The following CPN1 variants were observed in gnomAD, a reference collection of about 807,000 sequenced individuals.
CPN1 encodes the protein carboxypeptidase N catalytic chain.
Under a neutral mutation model 46.4 loss-of-function variants are expected in CPN1, and 37 were observed. That is an observed-to-expected ratio of 0.80 (90% confidence interval 0.61 to 1.05). The LOEUF (loss-of-function observed/expected upper bound fraction) is 1.05, where lower values mean the gene tolerates loss of function less well. Ranked by LOEUF, CPN1 falls within the 50% of genes least tolerant of loss-of-function variation. The probability of loss-of-function intolerance (pLI) is 0.00; values close to 1 mark genes in which losing one functional copy is unlikely to be tolerated. For synonymous variants in CPN1, 224 were observed against 235.4 expected (o/e 0.95, Z 0.44); for missense variants, 563 against 602.6 (o/e 0.93, Z 0.69).
At position 100,069,697 on chromosome 10, in the gene CPN1, C is replaced by T. The variant is rs2041473393; in HGVS notation, c.576+17G>A. The T allele has an allele frequency of 6.2e-7, 1 of 1,613,748 alleles. No homozygotes were observed. Among genetic ancestry groups the T allele is most frequent in the African/African-American group, 1.3e-5 (1 of 74,836 alleles). ...GATGCTGATTTACCTGCTTTGTTTG[C>T]AAATTTCATCTCCTACCTGACTTTT... is the stretch of plus-strand genomic sequence containing the variant. On this transcript the variant is annotated intron_variant, in intron 3 of 8. Coordinates refer to ENST00000370418, the MANE Select transcript of CPN1 (RefSeq NM_001308.3).
At chr10:100,072,491 T>A (rs1344193356) in intron 2 of CPN1, among the ~76,000 whole-genome samples, 1 of 152,174 alleles carries the variant, frequency 6.6e-6, no homozygotes, top group Non-Finnish European at 1.5e-5. Context: ...TGAGAAACTG[T>A]TAAACTGTTT....
At chr10:100,056,323 C>T (rs765752896) in intron 6 of CPN1, among the ~76,000 whole-genome samples, 130 of 151,892 alleles carry the variant, frequency 8.6e-4, no homozygotes, top group Non-Finnish European at 1.1e-3. Context: ...CCCTTTTGTC[C>T]CCTAGATATC....
chr10:100,071,690 T>G (rs1383063858), intron 2 of CPN1, among the ~76,000 whole-genome samples: 1 of 152,216 alleles, frequency 6.6e-6, no homozygotes, highest in African/African-American at 2.4e-5. Flanking sequence ...GTACTGAATA[T>G]GTACATACTT....
chr10:100,064,327 A>T (rs541261366), intron 4 of CPN1, among the ~76,000 whole-genome samples: 1 of 150,224 alleles, frequency 6.7e-6, no homozygotes, highest in East Asian at 1.9e-4. Context: ...TTAATACTTA[A>T]TATCATTAAT....
intron 7 of CPN1, among the ~76,000 whole-genome samples, chr10:100,053,036 TA>T (rs918653613): frequency 6.6e-6 from 1 of 151,990 alleles, no homozygotes; most frequent in African/African-American, 2.4e-5. Context: ...AACATTTCTG[TA>T]AAAAAAGGAA....
At chr10:100,065,553 C>G (rs2041450169) in intron 3 of CPN1, among the ~76,000 whole-genome samples, 183 bp from the exon 4 acceptor site, 1 of 152,132 alleles carries the variant, frequency 6.6e-6, no homozygotes, top group East Asian at 1.9e-4. Flanking sequence ...ATGGTTTCAA[C>G]AATGGCGTGT....
At chr10:100,054,820 C>G (rs2041375667) in intron 6 of CPN1, among the ~76,000 whole-genome samples, 1 of 150,114 alleles carries the variant, frequency 6.7e-6, no homozygotes, top group Non-Finnish European at 1.5e-5. Context: ...CACTGGTGTC[C>G]TGGTTTTCTT....
chr10:100,075,849 A>C, intron 2 of CPN1, 62 bp downstream of exon 2: 1 of 1,525,610 alleles, frequency 6.6e-7, no homozygotes, highest in Non-Finnish European at 9.1e-7. Context: ...AATCTTGTCC[A>C]CTGGACTTTA....
At chr10:100,068,155 A>AT (rs1168632144) in intron 3 of CPN1, among the ~76,000 whole-genome samples, 1 of 119,794 alleles carries the variant, frequency 8.3e-6, no homozygotes, top group Non-Finnish European at 1.7e-5. Flanking sequence ...ACTCTGTCTC[A>AT]AAAAAAAAAA....
In CPN1 at chr10:100,081,671, C is replaced by T. The variant is rs568940128; in HGVS notation, c.-46G>A. On this transcript the variant is annotated 5_prime_UTR_variant, in exon 1 of 9. Transcript: ENST00000370418. ...AGAGCCACTGAAACGCGCCCCACCT[C>T]CTTAAACAACCTAGCCTCTTCACCC... The T allele has an allele frequency of 4.6e-6, 7 of 1,517,260 alleles. No individual in the cohort carries two copies. The South Asian group carries it at 6.9e-5, about 15-fold the overall frequency. The allele number at this position is 1,517,260 out of a possible 1,614,324, so 94.0% of individuals were successfully genotyped here. A position where few individuals can be genotyped will look rare whatever the true frequency, so the allele number is the denominator to read the frequency against.
chr10:100,057,762 G>T (rs2041393484), intron 5 of CPN1, among the ~76,000 whole-genome samples: 1 of 152,128 alleles, frequency 6.6e-6, no homozygotes. Context: ...TTAGTTGGGT[G>T]ATGAGAAATA....
At position 100,076,059 on chromosome 10, in the gene CPN1, A is replaced by C; in HGVS notation, c.272T>G (p.Leu91Trp). The change falls in exon 2 of 9, where the codon TTG becomes TGG. Residue 91 changes from leucine to tryptophan, a missense_variant. By Grantham distance (61) the Leu-to-Trp change is moderately conservative (BLOSUM62 -2). Transcript: ENST00000370418. Reference sequence around the variant, plus strand: ...CAGCTGCAGCATCAGCTCGCGGCCCAACGCTTCGTTGCCGTGCATGTTCCC... The same window carrying C: ...CAGCTGCAGCATCAGCTCGCGGCCCCACGCTTCGTTGCCGTGCATGTTCCC... ...YVGNMHGNEA[L>W]GRELMLQLSE... 1 of 1,614,214 alleles carries C rather than the reference A, an allele frequency of 6.2e-7. No individual in the cohort carries two copies. The highest frequency in any genetic ancestry group is 8.5e-7 in the Non-Finnish European group (1 of 1,180,048).
In CPN1 at chr10:100,075,807, C is replaced by T. The variant is rs2041509926; in HGVS notation, c.420+104G>A. The T allele has an allele frequency of 5.8e-6, 7 of 1,207,666 alleles. No homozygotes were observed. In the South Asian group the frequency reaches 7.8e-5, roughly 14 times the overall value. 74.8% of individuals were successfully genotyped at this position (1,207,666 alleles called of 1,614,324 possible). A position where few individuals can be genotyped will look rare whatever the true frequency, so the allele number is the denominator to read the frequency against. ...TGGCCATTTCATCTTTTACTTTTAA[C>T]ATTTGTGATATTTACAGTGGGACAG... On this transcript the variant is annotated intron_variant, in intron 2 of 8. Coordinates refer to ENST00000370418, the MANE Select transcript of CPN1 (RefSeq NM_001308.3).
chr10:100,074,159 T>C (rs1330319691), intron 2 of CPN1, among the ~76,000 whole-genome samples: 1 of 152,176 alleles, frequency 6.6e-6, no homozygotes, highest in African/African-American at 2.4e-5. Context: ...GATTAGGACA[T>C]GGACATCTTT....
intron 8 of CPN1, among the ~76,000 whole-genome samples, chr10:100,048,400 C>A (rs1206597091): frequency 6.6e-6 from 1 of 152,052 alleles, no homozygotes; most frequent in African/African-American, 2.4e-5. Context: ...TGTGCAATCA[C>A]TTAAGATTTT....
chr10:100,051,194 C>G (rs2041350682), intron 7 of CPN1, among the ~76,000 whole-genome samples: 2 of 152,276 alleles, frequency 1.3e-5, no homozygotes, highest in South Asian at 4.1e-4. Context: ...AAGTATATAG[C>G]AATGAATATT....
Position 100,069,652 on chromosome 10 carries a change from T to C in CPN1, c.576+62A>G, listed in dbSNP as rs180991092. The C allele has an allele frequency of 6.8e-4, 1,097 of 1,601,880 alleles. 2 individuals are homozygous for C. The highest frequency in any genetic ancestry group is 8.5e-4 in the Non-Finnish European group (1,000 of 1,169,656). ...AGTTGATGTAAAGATGGCTTAGCAG[T>C]CTTTCTGCAAGAAATTCCAGATGCT... On this transcript the variant is annotated intron_variant, in intron 3 of 8. Coordinates refer to ENST00000370418, the MANE Select transcript of CPN1 (RefSeq NM_001308.3).
intron 1 of CPN1, among the ~76,000 whole-genome samples, chr10:100,076,438 AC>A (rs1238558243): frequency 1.3e-5 from 2 of 152,182 alleles, no homozygotes; most frequent in African/African-American, 4.8e-5. Flanking sequence ...AGGTTAAGTA[AC>A]TTGTCTGAGG....
At chr10:100,042,684 A>C in intron 8 of CPN1, 111 bp from the exon 9 acceptor site, 1 of 1,350,478 alleles carries the variant, frequency 7.4e-7, no homozygotes, top group Non-Finnish European at 1.0e-6. Context: ...TGACCCAGAG[A>C]AGCACTGGTG....
Sources: gnomAD v4.1 joint callset for allele counts (sites outside exome capture counted in the v4.1 genomes callset) on GRCh38, gnomAD v4.1.1 for gene constraint, MANE v1.5 for transcripts, NCBI Gene and HGNC (gene_info 2026-07-23, HGNC 2026-07-21) for gene names.